The following NEMP2 variants were observed in gnomAD, a reference collection of about 807,000 sequenced individuals.
NEMP2 encodes nuclear envelope integral membrane protein 2.
A neutral mutation model predicts 54.2 loss-of-function variants in NEMP2; 53 were observed. That is an observed-to-expected ratio of 0.98 (90% confidence interval 0.78 to 1.23). NEMP2 has a LOEUF of 1.23. NEMP2 is among the 50% of genes most tolerant of loss of function. The pLI is 0.00. For synonymous variants in NEMP2, 197 were observed against 190.3 expected (o/e 1.04, Z -0.29); for missense variants, 455 against 511.3 (o/e 0.89, Z 1.06).
chr2:190,485,496 T>A, the NEMP2 span, among the ~76,000 whole-genome samples: 1 of 152,172 alleles, frequency 6.6e-6, no homozygotes, highest in African/African-American at 2.4e-5. The surrounding 1 kb of genome is among the most constrained non-coding windows in gnomAD (Gnocchi z 5.1). Context: ...ATAAATTAAT[T>A]TATTTCTTGG....
the NEMP2 span, among the ~76,000 whole-genome samples, chr2:190,450,604 C>G: frequency 1.3e-5 from 2 of 150,944 alleles, no homozygotes; most frequent in Admixed American, 1.3e-4. Context: ...ATGATACCCC[C>G]ACCCCAGCCT....
At chr2:190,593,102 C>T in the NEMP2 span, among the ~76,000 whole-genome samples, 5 of 152,108 alleles carry the variant, frequency 3.3e-5, no homozygotes, top group African/African-American at 1.2e-4. The surrounding 1 kb of genome is among the most constrained non-coding windows in gnomAD (Gnocchi z 4.5). Context: ...TCTCAATTGG[C>T]TATGTCTTAT....
chr2:190,645,903 G>A, the NEMP2 span, among the ~76,000 whole-genome samples: 1 of 152,184 alleles, frequency 6.6e-6, no homozygotes, highest in Non-Finnish European at 1.5e-5. Context: ...TTGTCTTTTA[G>A]ACTTCCTTCT....
the NEMP2 span, among the ~76,000 whole-genome samples, chr2:190,585,003 G>A: frequency 6.6e-6 from 1 of 152,214 alleles, no homozygotes; most frequent in South Asian, 2.1e-4. This position sits in a 1 kb window ranked among gnomAD's most constrained non-coding sequence, Gnocchi z 5.3. Flanking sequence ...CAGTTGGAAA[G>A]CTTGGTTACT....
At chr2:190,517,379 T>C (rs993699264) in intron 5 of NEMP2, 141 bp downstream of exon 5, 3 of 599,446 alleles carry the variant, frequency 5.0e-6, no homozygotes, top group Non-Finnish European at 8.5e-6. Context: ...CAGAAAAAGA[T>C]ACATTTTAGA....
chr2:190,593,694 T>G, the NEMP2 span, among the ~76,000 whole-genome samples: 1 of 152,212 alleles, frequency 6.6e-6, no homozygotes, highest in Non-Finnish European at 1.5e-5. The surrounding 1 kb of genome is among the most constrained non-coding windows in gnomAD (Gnocchi z 4.5). Flanking sequence ...TCTCAGCCAC[T>G]CCCTCTAAGA....
the NEMP2 span, among the ~76,000 whole-genome samples, chr2:190,543,687 G>T: frequency 6.6e-6 from 1 of 152,148 alleles, no homozygotes; most frequent in Non-Finnish European, 1.5e-5. This position sits in a 1 kb window ranked among gnomAD's most constrained non-coding sequence, Gnocchi z 4.7. Context: ...AATGTTAGGG[G>T]CTGTATATTT....
chr2:190,597,584 T>C, the NEMP2 span, among the ~76,000 whole-genome samples: 1 of 152,094 alleles, frequency 6.6e-6, no homozygotes, highest in African/African-American at 2.4e-5. This position sits in a 1 kb window ranked among gnomAD's most constrained non-coding sequence, Gnocchi z 4.7. Context: ...CGTGTAGCAA[T>C]CAATGTTAAA....
chr2:190,525,238 A>T lies in NEMP2; in HGVS notation c.213+25T>A, dbSNP rs541642347. 4 of 1,249,918 alleles carry T rather than the reference A, an allele frequency of 3.2e-6. No homozygotes were observed. Among genetic ancestry groups the T allele is most frequent in the Non-Finnish European group, 2.3e-6 (2 of 876,430 alleles). The allele number at this position is 1,249,918 out of a possible 1,614,324, so 77.4% of individuals were successfully genotyped here. On this transcript the variant is annotated intron_variant, in intron 2 of 8. Coordinates refer to ENST00000409150, the MANE Select transcript of NEMP2 (RefSeq NM_001142645.2). This position sits in a 1 kb window ranked among gnomAD's most constrained non-coding sequence, Gnocchi z 5.0. Reference sequence around the variant, plus strand: ...GACATGGTAATTCTCTGTCCCTAAGACATGAGTTAAAAGTAGGCCCTTACC... The same window carrying T: ...GACATGGTAATTCTCTGTCCCTAAGTCATGAGTTAAAAGTAGGCCCTTACC...
chr2:190,457,101 G>A, the NEMP2 span, among the ~76,000 whole-genome samples: 1 of 152,202 alleles, frequency 6.6e-6, no homozygotes, highest in African/African-American at 2.4e-5. The surrounding 1 kb of genome is among the most constrained non-coding windows in gnomAD (Gnocchi z 5.1). Context: ...CCAATCCAGA[G>A]GTATTTCCTC....
rs1690756233 is a variant in NEMP2, at chr2:190,521,720, C to T, written c.214-2537G>A. On this transcript the variant is annotated intron_variant, in intron 2 of 8. Coordinates refer to ENST00000409150, the MANE Select transcript of NEMP2 (RefSeq NM_001142645.2). This position sits in a 1 kb window ranked among gnomAD's most constrained non-coding sequence, Gnocchi z 6.2. ...GTCACTGGTGCTTCCATGTTGCTAACTCAAATGCCCAATTAATTCTCAGTC... is the reference window on the plus strand; with the variant it reads ...GTCACTGGTGCTTCCATGTTGCTAATTCAAATGCCCAATTAATTCTCAGTC... 6.6e-6 allele frequency among the ~76,000 whole-genome samples: 1 copy of T among 152,218 alleles called. No individual in the cohort carries two copies. Among genetic ancestry groups the T allele is most frequent in the South Asian group, 2.1e-4 (1 of 4,834 alleles).
rs981910856 is a variant in NEMP2 at position 190,510,830 on chromosome 2, G to A, written c.954-293C>T. On this transcript the variant is annotated intron_variant, in intron 7 of 8. Transcript: ENST00000409150. This position sits in a 1 kb window ranked among gnomAD's most constrained non-coding sequence, Gnocchi z 5.7. ...TGGGAGGCAGAGGTTGCAGTAAGCC[G>A]AGATCGCGCCACTGCACTCCAGCCT... 6.7e-6 allele frequency among the ~76,000 whole-genome samples: 1 copy of A among 150,246 alleles called. No homozygotes were observed. Among genetic ancestry groups the A allele is most frequent in the Non-Finnish European group, 1.5e-5 (1 of 67,830 alleles).
chr2:190,619,241 G>A, the NEMP2 span, among the ~76,000 whole-genome samples: 1 of 151,960 alleles, frequency 6.6e-6, no homozygotes, highest in African/African-American at 2.4e-5. This position sits in a 1 kb window ranked among gnomAD's most constrained non-coding sequence, Gnocchi z 5.5. Flanking sequence ...AGCTGGGCGT[G>A]GTGGTGCATG....
the NEMP2 span, among the ~76,000 whole-genome samples, chr2:190,586,176 A>G: frequency 6.6e-6 from 1 of 152,334 alleles, no homozygotes; most frequent in African/African-American, 2.4e-5. The surrounding 1 kb of genome is among the most constrained non-coding windows in gnomAD (Gnocchi z 4.5). Flanking sequence ...TAATATAAGG[A>G]CAATACAACT....
At chr2:190,616,090 G>A in the NEMP2 span, among the ~76,000 whole-genome samples, 7 of 152,288 alleles carry the variant, frequency 4.6e-5, no homozygotes, top group African/African-American at 1.4e-4. This position sits in a 1 kb window ranked among gnomAD's most constrained non-coding sequence, Gnocchi z 5.1. Context: ...TTTCAGGCCC[G>A]AGTTCCTGCC....
At chr2:190,645,800 AAT>A in the NEMP2 span, among the ~76,000 whole-genome samples, 1 of 152,264 alleles carries the variant, frequency 6.6e-6, no homozygotes, top group African/African-American at 2.4e-5. Context: ...TTACAAAAAT[AAT>A]ATAGTCTCAT....
At chr2:190,571,147 G>A in the NEMP2 span, among the ~76,000 whole-genome samples, 4 of 152,166 alleles carry the variant, frequency 2.6e-5, no homozygotes, top group African/African-American at 9.7e-5. Context: ...AATAGTAATT[G>A]TACCCATCTA....
chr2:190,422,032 C>T, the NEMP2 span, among the ~76,000 whole-genome samples: 1 of 152,100 alleles, frequency 6.6e-6, no homozygotes. Context: ...TTGGTTAGTT[C>T]AGTATTCATG....
At chr2:190,486,636 T>A in the NEMP2 span, among the ~76,000 whole-genome samples, 1 of 152,232 alleles carries the variant, frequency 6.6e-6, no homozygotes, top group Non-Finnish European at 1.5e-5. Context: ...GTTTTTTAGT[T>A]ACTTGAGGAA....
Sources: gnomAD v4.1 joint callset for allele counts (sites outside exome capture counted in the v4.1 genomes callset) on GRCh38, gnomAD v4.1.1 for gene constraint, Gnocchi (gnomAD v3.1) non-coding constraint, MANE v1.5 for transcripts, NCBI Gene and HGNC (gene_info 2026-07-23, HGNC 2026-07-21) for gene names.